The following FAIM2 variants were observed in gnomAD, a reference collection of about 807,000 sequenced individuals.
The protein encoded by FAIM2 is protein lifeguard 2.
A neutral mutation model predicts 47.4 loss-of-function variants in FAIM2; 27 were observed. The ratio of observed to expected loss-of-function variants is 0.57; its 90% CI spans 0.42 to 0.78. The LOEUF (loss-of-function observed/expected upper bound fraction) is 0.78. Among genes scored for constraint, FAIM2 ranks in the 30% least tolerant of loss-of-function variants. The probability of loss-of-function intolerance (pLI) is 0.00; values close to 1 mark genes in which losing one functional copy is unlikely to be tolerated. For synonymous variants in FAIM2, 156 were observed against 159.3 expected (o/e 0.98, Z 0.16); for missense variants, 311 against 389.4 (o/e 0.80, Z 1.69).
chr12:49,888,157 G>A (rs1946874701), intron 10 of FAIM2, among the ~76,000 whole-genome samples: 2 of 152,184 alleles, frequency 1.3e-5, no homozygotes, highest in South Asian at 2.1e-4. Flanking sequence ...TTGAAGTTCC[G>A]TGGCCCCTTC....
intron 11 of FAIM2, among the ~76,000 whole-genome samples, chr12:49,881,848 G>A (rs1946827908): frequency 6.6e-6 from 1 of 152,216 alleles, no homozygotes; most frequent in Admixed American, 6.5e-5. Flanking sequence ...GGAGGGGCCT[G>A]TTCCTCAAAG....
At chr12:49,880,028 ATG>A (rs1471833341) in intron 11 of FAIM2, among the ~76,000 whole-genome samples, 16 of 120,158 alleles carry the variant, frequency 1.3e-4, no homozygotes, top group African/African-American at 2.1e-4. Flanking sequence ...GTCTGTGTGC[ATG>A]TGAGTGTATA....
intron 11 of FAIM2, among the ~76,000 whole-genome samples, chr12:49,877,964 GTGTA>G (rs1360583662): frequency 6.6e-6 from 1 of 151,736 alleles, no homozygotes; most frequent in Admixed American, 6.6e-5. Context: ...GTGTGTGTAT[GTGTA>G]TGTGTGCATG....
Position 49,870,461 on chromosome 12 carries a change from G to A in FAIM2, c.*43C>T. ...GCGCAGGGGAGGGACAGGGAACCAG[G>A]AGGGGCGCATTCTCTGGAGGACGGT... On this transcript the variant is annotated 3_prime_UTR_variant, in exon 12 of 12. Transcript: ENST00000320634. 1 of 1,587,142 alleles carries A rather than the reference G, an allele frequency of 6.3e-7. No homozygotes were observed. Among genetic ancestry groups the A allele is most frequent in the Non-Finnish European group, 8.6e-7 (1 of 1,159,152 alleles).
intron 11 of FAIM2, among the ~76,000 whole-genome samples, chr12:49,875,879 G>T (rs774990762): frequency 7.9e-5 from 12 of 152,148 alleles, no homozygotes; most frequent in Admixed American, 2.0e-4. Flanking sequence ...GGGAGGCTGA[G>T]GGAGGAGAAT....
chr12:49,900,163 G>C (rs1356881370), intron 2 of FAIM2: 1 of 1,277,488 alleles, frequency 7.8e-7, no homozygotes, highest in African/African-American at 1.5e-5. Context: ...GACCTTCATT[G>C]ACCCTCCAGT....
chr12:49,896,147 C>G (rs917892223), intron 5 of FAIM2, among the ~76,000 whole-genome samples: 1 of 152,314 alleles, frequency 6.6e-6, no homozygotes, highest in African/African-American at 2.4e-5. Flanking sequence ...CTACCTTGGG[C>G]CACCCAATAA....
At chr12:49,880,717 CGTGTATATGTGT>C (rs1946816571) in intron 11 of FAIM2, among the ~76,000 whole-genome samples, 1 of 57,252 alleles carries the variant, frequency 1.7e-5, no homozygotes, top group Non-Finnish European at 3.3e-5. Context: ...TGTGTACATG[CGTGTATATGTGT>C]GTGTGTATGT....
At chr12:49,890,415 ACCAT>A (rs1007204135) in intron 7 of FAIM2, among the ~76,000 whole-genome samples, 1 of 152,116 alleles carries the variant, frequency 6.6e-6, no homozygotes, top group Non-Finnish European at 1.5e-5. Flanking sequence ...CTTCTTCATT[ACCAT>A]AGCTCTAGGA....
chr12:49,873,050 C>G (rs1192754388), intron 11 of FAIM2, among the ~76,000 whole-genome samples: 1 of 152,136 alleles, frequency 6.6e-6, no homozygotes, highest in Non-Finnish European at 1.5e-5. Context: ...AGCACTGTTC[C>G]TTGGGGAGCT....
rs556547289 is a variant in FAIM2 at position 49,877,054 on chromosome 12, C to T, written c.802-6401G>A. On this transcript the variant is annotated intron_variant, in intron 11 of 11. Coordinates refer to ENST00000320634, the MANE Select transcript of FAIM2 (RefSeq NM_012306.4). ...CTCCCCACTCCACAACCCTACTGGCCGTGCCAGTGCCTCTTCCTGGCTCTG... is the reference window on the plus strand; with the variant it reads ...CTCCCCACTCCACAACCCTACTGGCTGTGCCAGTGCCTCTTCCTGGCTCTG... Among the ~76,000 whole-genome samples, 6 of 152,338 alleles carry T rather than the reference C, an allele frequency of 3.9e-5. No individual in the cohort carries two copies. In the East Asian group the frequency reaches 5.8e-4, roughly 15 times the overall value.
chr12:49,879,390 GTA>G (rs1306523025), intron 11 of FAIM2, among the ~76,000 whole-genome samples: 1 of 151,662 alleles, frequency 6.6e-6, no homozygotes, highest in Non-Finnish European at 1.5e-5. Flanking sequence ...GTGTATGTGG[GTA>G]TGTGTCCATG....
chr12:49,897,768 C>CG (rs562125687), intron 3 of FAIM2, among the ~76,000 whole-genome samples, 185 bp from the exon 4 acceptor site: 10 of 151,480 alleles, frequency 6.6e-5, no homozygotes, highest in Admixed American at 4.0e-4. Context: ...AAGCGCACCC[C>CG]CCCCCAGCAT....
intron 3 of FAIM2, 22 bp downstream of exon 3, chr12:49,897,965 G>A: frequency 6.3e-7 from 1 of 1,590,682 alleles, no homozygotes; most frequent in Non-Finnish European, 8.6e-7. Context: ...CCCAGTCCCA[G>A]AGGGCTACAG....
At position 49,890,750 on chromosome 12, in the gene FAIM2, G is replaced by T. The variant is rs1361315813; in HGVS notation, c.486-28C>A. 1.1e-5 allele frequency: 17 copies of T among 1,611,064 alleles called. No homozygotes were observed. In the East Asian group the frequency reaches 3.6e-4, roughly 34 times the overall value. On this transcript the variant is annotated intron_variant, in intron 6 of 11. Coordinates refer to ENST00000320634, the MANE Select transcript of FAIM2 (RefSeq NM_012306.4). ...GCAAGGCAAGCCACAGAGTTCAGGGGATCGTAGGGGGTGGGGGCAGTGGAC... is the reference window on the plus strand; with the variant it reads ...GCAAGGCAAGCCACAGAGTTCAGGGTATCGTAGGGGGTGGGGGCAGTGGAC...
chr12:49,880,428 ATC>A (rs552686179), intron 11 of FAIM2, among the ~76,000 whole-genome samples: 81 of 143,422 alleles, frequency 5.6e-4, no homozygotes, highest in East Asian at 4.2e-3. Flanking sequence ...ATATGTGCAT[ATC>A]TCTGCATGTT....
At chr12:49,897,150 A>G in intron 4 of FAIM2, 66 bp from the exon 5 acceptor site, 1 of 1,268,832 alleles carries the variant, frequency 7.9e-7, no homozygotes, top group Non-Finnish European at 1.2e-6. Context: ...CTGGTTCAGC[A>G]TCTGCATCTG....
intron 11 of FAIM2, among the ~76,000 whole-genome samples, chr12:49,883,178 T>C (rs2878705): frequency 0.011 from 1,648 of 151,942 alleles, 15 homozygotes; most frequent in Non-Finnish European, 0.017. Context: ...TGGGAAGCGA[T>C]TGCGGGATGC....
In FAIM2 at chr12:49,877,902, G is replaced by A. The variant is rs533464072; in HGVS notation, c.802-7249C>T. 3.3e-5 allele frequency among the ~76,000 whole-genome samples: 5 copies of A among 151,870 alleles called. No homozygotes were observed. In the South Asian group the frequency reaches 1.0e-3, roughly 32 times the overall value. On this transcript the variant is annotated intron_variant, in intron 11 of 11. Coordinates refer to ENST00000320634, the MANE Select transcript of FAIM2 (RefSeq NM_012306.4). ...TATATGTGTATGTGGGTATGTGTGTGTATATGTGTCCATGTGAGTGTATGC... is the reference window on the plus strand; with the variant it reads ...TATATGTGTATGTGGGTATGTGTGTATATATGTGTCCATGTGAGTGTATGC...
Sources: gnomAD v4.1 joint callset for allele counts (sites outside exome capture counted in the v4.1 genomes callset) on GRCh38, gnomAD v4.1.1 for gene constraint, MANE v1.5 for transcripts, NCBI Gene and HGNC (gene_info 2026-07-23, HGNC 2026-07-21) for gene names.